The following AGBL4 variants were observed in gnomAD, a reference collection of about 807,000 sequenced individuals.
AGBL4 encodes AGBL carboxypeptidase 4.
A neutral mutation model predicts 66.4 loss-of-function variants in AGBL4; 58 were observed. That is an observed-to-expected ratio of 0.87 (90% CI 0.71 to 1.09). AGBL4 has a LOEUF of 1.09. Ranked by LOEUF, AGBL4 falls within the 50% of genes least tolerant of loss-of-function variation. The probability of loss-of-function intolerance (pLI) is 0.00; values close to 1 mark genes in which losing one functional copy is unlikely to be tolerated. For missense variants in AGBL4, 579 were observed against 631.0 expected (o/e 0.92, Z 0.88); for synonymous variants, 234 against 222.9 (o/e 1.05, Z -0.44).
intron 3 of AGBL4, among the ~76,000 whole-genome samples, chr1:49,633,175 C>T (rs1244101606): frequency 2.0e-5 from 3 of 152,050 alleles, no homozygotes; most frequent in Non-Finnish European, 4.4e-5. Context: ...AATACATTAG[C>T]CAACACCATT....
chr1:49,971,890 GT>G (rs1415527099), intron 1 of AGBL4, among the ~76,000 whole-genome samples: 5 of 41,936 alleles, frequency 1.2e-4, no homozygotes, highest in Non-Finnish European at 6.4e-5. Flanking sequence ...TTAAGTACAA[GT>G]GCAGGGTTTT....
chr1:48,663,219 C>T lies in AGBL4; in HGVS notation c.657G>A (p.Glu219=). 6.2e-7 allele frequency: 1 copy of T among 1,613,934 alleles called. No homozygotes were observed. The highest frequency in any genetic ancestry group is 8.5e-7 in the Non-Finnish European group (1 of 1,179,866). ...TSPDNLREGA[E]QKVVFITGRV... is the part of the protein sequence containing the mutation. The stretch of plus-strand genomic sequence containing the variant: ...GTCCTGTGATGAATACCACCTTCTG[C>T]TCTGCCCCTTCCCGGAGATTGTCTG... The change falls in exon 7 of 14, where the codon GAG becomes GAA. Residue 219 remains glutamate, a synonymous_variant. Coordinates refer to ENST00000371839, the MANE Select transcript of AGBL4 (RefSeq NM_032785.4).
At chr1:49,705,858 G>A (rs753507587) in intron 2 of AGBL4, among the ~76,000 whole-genome samples, 10 of 152,150 alleles carry the variant, frequency 6.6e-5, no homozygotes, top group Non-Finnish European at 1.0e-4. Flanking sequence ...ATTGATTTGC[G>A]TATGTTGAAC....
Position 48,587,110 on chromosome 1 carries a change from G to A in AGBL4, c.1161C>T (p.Leu387=), listed in dbSNP as rs776634491. The stretch of plus-strand genomic sequence containing the variant: ...AGGAAGTGTGGTCCAGGAGTCCACC[G>A]AGGAAGCGACGGCCAGTTCCTGCTT... ...AVKAGTGRRF[L]GGLLDHTSYC... The change falls in exon 11 of 14, where the codon CTC becomes CTT. Residue 387 remains leucine, a synonymous_variant. Coordinates refer to ENST00000371839, the MANE Select transcript of AGBL4 (RefSeq NM_032785.4). 2.8e-5 allele frequency: 45 copies of A among 1,579,338 alleles called. No individual in the cohort carries two copies. The highest frequency in any genetic ancestry group is 1.7e-4 in the Middle Eastern group (1 of 6,048).
intron 5 of AGBL4, among the ~76,000 whole-genome samples, chr1:48,966,357 C>T (rs1658416030): frequency 1.3e-5 from 2 of 152,082 alleles, no homozygotes; most frequent in African/African-American, 4.8e-5. Flanking sequence ...TTAAGGGGAG[C>T]CTTATGTAGT....
intron 3 of AGBL4, among the ~76,000 whole-genome samples, chr1:49,557,732 C>T (rs1643938564): frequency 6.6e-6 from 1 of 151,962 alleles, no homozygotes; most frequent in Admixed American, 6.6e-5. Context: ...GTAAGTGAGT[C>T]CTATTGCTGA....
At chr1:49,855,381 T>C (rs969312652) in intron 1 of AGBL4, among the ~76,000 whole-genome samples, 2 of 152,146 alleles carry the variant, frequency 1.3e-5, no homozygotes, top group African/African-American at 2.4e-5. Context: ...CAACAAATTA[T>C]CTGCACGATA....
intron 5 of AGBL4, among the ~76,000 whole-genome samples, chr1:48,989,543 C>T (rs1660446048): frequency 1.3e-5 from 2 of 152,120 alleles, no homozygotes; most frequent in African/African-American, 4.8e-5. Flanking sequence ...CTTCCAGCCT[C>T]TGGTAACCAT....
intron 4 of AGBL4, among the ~76,000 whole-genome samples, chr1:49,110,328 C>T (rs1055119172): frequency 6.6e-6 from 1 of 152,198 alleles, no homozygotes; most frequent in African/African-American, 2.4e-5. Context: ...TTACAATTTA[C>T]ATTCATTATA....
chr1:49,762,116 A>G (rs1295772614), intron 2 of AGBL4, among the ~76,000 whole-genome samples: 2 of 152,188 alleles, frequency 1.3e-5, no homozygotes, highest in African/African-American at 4.8e-5. Context: ...CCTGGGTCAT[A>G]TGGCATTTCT....
rs1652450378 is a variant in AGBL4 at position 49,762,932 on chromosome 1, G to T, written c.158-65495C>A. ...TGCTTTTGTTTTCTGTACTTTCGAGGCCTTATTTAAAAAATCCTTGCCCAG... is the reference window on the plus strand; with the variant it reads ...TGCTTTTGTTTTCTGTACTTTCGAGTCCTTATTTAAAAAATCCTTGCCCAG... On this transcript the variant is annotated intron_variant, in intron 2 of 13. Transcript: ENST00000371839. 2.0e-5 allele frequency among the ~76,000 whole-genome samples: 3 copies of T among 152,054 alleles called. No homozygotes were observed. In the South Asian group the frequency reaches 6.2e-4, roughly 32 times the overall value.
At chr1:48,618,955 C>A (rs1304521541) in intron 9 of AGBL4, among the ~76,000 whole-genome samples, 2 of 148,600 alleles carry the variant, frequency 1.3e-5, no homozygotes, top group Non-Finnish European at 1.5e-5. Context: ...AAAAAAAAAA[C>A]GGGAAATCAA....
intron 1 of AGBL4, among the ~76,000 whole-genome samples, chr1:49,891,700 G>T (rs760125096): frequency 1.3e-5 from 2 of 152,174 alleles, no homozygotes; most frequent in Non-Finnish European, 2.9e-5. Context: ...CTAGCAGAAA[G>T]ATGTATCAGG....
chr1:49,522,116 G>T (rs910342562), intron 3 of AGBL4, among the ~76,000 whole-genome samples: 1 of 152,070 alleles, frequency 6.6e-6, no homozygotes. Flanking sequence ...TCCTAGAACT[G>T]CCAATAACTG....
intron 4 of AGBL4, among the ~76,000 whole-genome samples, chr1:49,232,690 C>G (rs1044202367): frequency 4.0e-5 from 6 of 149,978 alleles, no homozygotes; most frequent in African/African-American, 1.5e-4. Flanking sequence ...CAGAGCGAGA[C>G]TCTGTCTCAA....
intron 6 of AGBL4, among the ~76,000 whole-genome samples, chr1:48,705,570 C>T (rs1646870036): frequency 6.6e-6 from 1 of 152,142 alleles, no homozygotes; most frequent in Non-Finnish European, 1.5e-5. Flanking sequence ...GCATAGGGGG[C>T]TAAGTAACTT....
At chr1:49,857,227 C>T (rs1015290107) in intron 1 of AGBL4, among the ~76,000 whole-genome samples, 2 of 151,990 alleles carry the variant, frequency 1.3e-5, no homozygotes, top group South Asian at 2.1e-4. Flanking sequence ...AAAAATAAAA[C>T]ACGAACAAAT....
intron 3 of AGBL4, among the ~76,000 whole-genome samples, chr1:49,435,770 G>A (rs1267813004): frequency 6.6e-6 from 1 of 152,098 alleles, no homozygotes; most frequent in African/African-American, 2.4e-5. Context: ...GGTAGCTTGG[G>A]CTTATTCTTA....
chr1:48,813,866 TC>T (rs1646114647), intron 6 of AGBL4, among the ~76,000 whole-genome samples: 1 of 150,792 alleles, frequency 6.6e-6, no homozygotes, highest in Non-Finnish European at 1.5e-5. Flanking sequence ...AAATCAAGGC[TC>T]AGGAGAGGGC....
Sources: allele counts gnomAD v4.1 joint callset (sites outside exome capture counted in the v4.1 genomes callset), GRCh38; gene constraint gnomAD v4.1.1; transcripts MANE v1.5; gene names NCBI Gene and HGNC (gene_info 2026-07-23, HGNC 2026-07-21).